ARG1: variants seen among roughly 807,000 people sequenced by gnomAD.
ARG1 encodes the protein arginase 1.
In ARG1, 20 loss-of-function variants were observed where a neutral mutation model predicts 33.0. That is an observed-to-expected ratio of 0.61 (90% CI 0.43 to 0.88). ARG1 has a LOEUF of 0.88. Ranked by LOEUF, ARG1 falls within the 40% of genes least tolerant of loss-of-function variation. The pLI is 0.00. For missense variants in ARG1, 374 were observed against 384.7 expected, an observed-to-expected ratio of 0.97 and a Z score of 0.23; for synonymous variants, 146 against 140.6, an observed-to-expected ratio of 1.04 and a Z score of -0.27.
chr6:131,576,521 G>T, intron 1 of ARG1, 142 bp from the exon 2 acceptor site: 1 of 759,004 alleles, frequency 1.3e-6, no homozygotes, highest in Non-Finnish European at 2.3e-6. Context: ...AAGATTAAAA[G>T]AGATGATGTA....
At position 131,583,053 on chromosome 6, in the gene ARG1, T is replaced by C; in HGVS notation, c.561-7T>C. The C allele has an allele frequency of 6.2e-7, 1 of 1,600,914 alleles. No homozygotes were observed. The highest frequency in any genetic ancestry group is 8.6e-7 in the Non-Finnish European group (1 of 1,169,260). On this transcript the variant is annotated splice_region_variant and splice_polypyrimidine_tract_variant and intron_variant, in intron 5 of 7. Coordinates refer to ENST00000368087, the MANE Select transcript of ARG1 (RefSeq NM_000045.4). ...TAATTATAATTATCTTAATTTCTCT[T>C]TTATAGCTACATTTTGAAAACTCTA...
rs529105053 is a variant in ARG1 at position 131,583,705 on chromosome 6, A to G, written c.803-37A>G. ...CTGTACTACTTTCAAAATGTCAACT[A>G]TTTTATAAATTACATTATTACAATT... On this transcript the variant is annotated intron_variant, in intron 7 of 7. Transcript: ENST00000368087. The G allele has an allele frequency of 2.0e-5, 32 of 1,601,400 alleles. No individual in the cohort carries two copies. In the South Asian group the frequency reaches 3.0e-4, roughly 15 times the overall value.
At position 131,582,629 on chromosome 6, in the gene ARG1, T is replaced by C. The variant is rs144403253; in HGVS notation, c.474T>C (p.Asp158=). ...LLKELKGKIP[D]VPGFSWVTPC... Reference sequence around the variant, plus strand: ...AAACATTGTAATTTTAGATTCCCGATGTGCCAGGATTCTCCTGGGTGACTC... The same window carrying C: ...AAACATTGTAATTTTAGATTCCCGACGTGCCAGGATTCTCCTGGGTGACTC... The change falls in exon 5 of 8, where the codon GAT becomes GAC. Residue 158 remains aspartate (D), a synonymous_variant. Transcript: ENST00000368087. 69 of 1,613,572 alleles carry C rather than the reference T, an allele frequency of 4.3e-5. No individual in the cohort carries two copies. The African/African-American group carries it at 7.7e-4, about 18-fold the overall frequency.
chr6:131,580,088 T>A (rs886515945), intron 3 of ARG1, among the ~76,000 whole-genome samples: 16 of 152,212 alleles, frequency 1.1e-4, no homozygotes, highest in African/African-American at 3.9e-4. Context: ...TTTTTGTGCA[T>A]GAGCCTCTTT....
chr6:131,583,579 C>A, intron 7 of ARG1, 88 bp downstream of exon 7: 3 of 1,561,670 alleles, frequency 1.9e-6, no homozygotes, highest in Non-Finnish European at 2.6e-6. Flanking sequence ...CAAGTCCCAG[C>A]TGACACTTTC....
At position 131,581,344 on chromosome 6, in the gene ARG1, C is replaced by T. The variant is rs1773915079; in HGVS notation, c.431C>T (p.Pro144Leu). 7 of 1,613,754 alleles carry T rather than the reference C, an allele frequency of 4.3e-6. No individual in the cohort carries two copies. Among genetic ancestry groups the T allele is most frequent in the Non-Finnish European group, 5.9e-6 (7 of 1,179,822 alleles). ...ACAAGTGGAAACTTGCATGGACAAC[C>T]TGTATCTTTCCTCCTGAAGGAACTA... ...TTTSGNLHGQ[P>L]VSFLLKELKG... The change falls in exon 4 of 8, where the codon CCT becomes CTT. Residue 144 changes from proline to leucine, a missense_variant. Coordinates refer to ENST00000368087, the MANE Select transcript of ARG1 (RefSeq NM_000045.4).
chr6:131,582,868 T>C lies in ARG1; in HGVS notation c.560+153T>C, dbSNP rs535584884. Among the ~76,000 whole-genome samples, 329 of 152,204 alleles carry C rather than the reference T, an allele frequency of 2.2e-3. 2 individuals carry two copies. Among genetic ancestry groups the C allele is most frequent in the African/African-American group, 7.8e-3 (322 of 41,548 alleles). On this transcript the variant is annotated intron_variant, in intron 5 of 7. Transcript: ENST00000368087. Reference sequence around the variant, plus strand: ...ATATATTTATATACATGTACATACATATGTATGTATCCAGGCAATTAAATC... The same window carrying C: ...ATATATTTATATACATGTACATACACATGTATGTATCCAGGCAATTAAATC...
intron 3 of ARG1, 112 bp downstream of exon 3, chr6:131,579,397 T>TATC: frequency 7.7e-7 from 1 of 1,292,166 alleles, no homozygotes; most frequent in Non-Finnish European, 1.1e-6. Context: ...CTATATTTTA[T>TATC]ATCAAATTTT....
At chr6:131,582,810 T>C in intron 5 of ARG1, 95 bp downstream of exon 5, 2 of 1,032,148 alleles carry the variant, frequency 1.9e-6, no homozygotes, top group Non-Finnish European at 3.1e-6. Flanking sequence ...AAATTAAACA[T>C]CAAGACACAC....
chr6:131,579,294 G>T lies in ARG1; in HGVS notation c.305+9G>T. The T allele has an allele frequency of 3.1e-6, 5 of 1,613,736 alleles. No homozygotes were observed. The highest frequency in any genetic ancestry group is 1.1e-5 in the South Asian group (1 of 90,972). On this transcript the variant is annotated intron_variant, in intron 3 of 7. Coordinates refer to ENST00000368087, the MANE Select transcript of ARG1 (RefSeq NM_000045.4). ...CTGGGCGGAGACCACAGGTCTTGTT[G>T]AATAACTGTGTCTATGGGAATCTGG...
chr6:131,580,471 T>C (rs957095500), intron 3 of ARG1, among the ~76,000 whole-genome samples: 3 of 152,218 alleles, frequency 2.0e-5, no homozygotes, highest in Non-Finnish European at 4.4e-5. Flanking sequence ...ACAGGCATTG[T>C]ATAGTACTAG....
At chr6:131,574,563 T>C (rs187285609) in intron 1 of ARG1, among the ~76,000 whole-genome samples, 1 of 152,328 alleles carries the variant, frequency 6.6e-6, no homozygotes, top group African/African-American at 2.4e-5. Flanking sequence ...AACATGGTCA[T>C]GAGAATGGAG....
chr6:131,580,349 A>G (rs1773856504), intron 3 of ARG1, among the ~76,000 whole-genome samples: 1 of 152,170 alleles, frequency 6.6e-6, no homozygotes, highest in African/African-American at 2.4e-5. Flanking sequence ...GGGAAAACAA[A>G]CGTCCACTGA....
At position 131,573,262 on chromosome 6, in the gene ARG1, A is replaced by C. The variant is rs370747314; in HGVS notation, c.-21A>C. Reference sequence around the variant, plus strand: ...TTGACTGACTGGAGAGCTCAAGTGCAGCAAAGAGAAGTGTCAGAGCATGAG... The same window carrying C: ...TTGACTGACTGGAGAGCTCAAGTGCCGCAAAGAGAAGTGTCAGAGCATGAG... On this transcript the variant is annotated 5_prime_UTR_variant, in exon 1 of 8. Coordinates refer to ENST00000368087, the MANE Select transcript of ARG1 (RefSeq NM_000045.4). The C allele has an allele frequency of 3.2e-4, 516 of 1,613,892 alleles. 1 individual carries two copies. The highest frequency in any genetic ancestry group is 4.2e-4 in the Non-Finnish European group (498 of 1,179,910).
rs1032198304 is a variant in ARG1, at chr6:131,574,384, C to T, written c.57+1045C>T. The stretch of plus-strand genomic sequence containing the variant: ...ATACTACTTTGCTTCCCCTGGAAAT[C>T]CTCCAAAAGTCTCTCCCAAACACAG... On this transcript the variant is annotated intron_variant, in intron 1 of 7. Transcript: ENST00000368087. 4 of 1,469,252 alleles carry T rather than the reference C, an allele frequency of 2.7e-6. No individual in the cohort carries two copies. The African/African-American group carries it at 5.6e-5, about 20-fold the overall frequency. The allele number at this position is 1,469,252 out of a possible 1,614,324, so 91.0% of individuals were successfully genotyped here.
chr6:131,583,350 A>G lies in ARG1; in HGVS notation c.666-5A>G, dbSNP rs1417120069. 12 of 1,614,048 alleles carry G rather than the reference A, an allele frequency of 7.4e-6. No individual in the cohort carries two copies. Among genetic ancestry groups the G allele is most frequent in the Non-Finnish European group, 1.0e-5 (12 of 1,179,996 alleles). ...AAACTGAAATCCTTTCCCACTTCTT[A>G]AAAGAAAGAAAAGGCCAATTCATCT... On this transcript the variant is annotated splice_polypyrimidine_tract_variant and splice_region_variant and intron_variant, in intron 6 of 7. Transcript: ENST00000368087.
At chr6:131,576,378 T>C (rs1773613365) in intron 1 of ARG1, among the ~76,000 whole-genome samples, 1 of 152,230 alleles carries the variant, frequency 6.6e-6, no homozygotes, top group Admixed American at 6.5e-5. Context: ...ATGTAGGTTT[T>C]GGAATCCAAA....
At chr6:131,583,268 C>CTTTTTATAAAACAAGTTAACAGATTA in intron 6 of ARG1, 87 bp from the exon 7 acceptor site, 1 of 1,607,246 alleles carries the variant, frequency 6.2e-7, no homozygotes, top group Non-Finnish European at 8.5e-7. Flanking sequence ...TGGGTTGCTA[C>CTTTTTATAAAACAAGTTAACAGATTA]TTTTTATAAA....
At chr6:131,574,726 C>T (rs1364144602) in intron 1 of ARG1, among the ~76,000 whole-genome samples, 1 of 152,126 alleles carries the variant, frequency 6.6e-6, no homozygotes, top group Non-Finnish European at 1.5e-5. Context: ...GATTAGAGGG[C>T]AGATGACTAA....
Sources: allele counts gnomAD v4.1 joint callset (sites outside exome capture counted in the v4.1 genomes callset), GRCh38; gene constraint gnomAD v4.1.1; transcripts MANE v1.5; gene names NCBI Gene and HGNC (gene_info 2026-07-23, HGNC 2026-07-21).